Variants in VPS13B observed in about 807,000 individuals in gnomAD.
VPS13B encodes vacuolar protein sorting 13 homolog B.
VPS13B carries 285 observed loss-of-function variants against 426.4 expected under a neutral mutation model. That is an observed-to-expected ratio of 0.67 (90% CI 0.61 to 0.74). The LOEUF (loss-of-function observed/expected upper bound fraction) is 0.74. Among genes scored for constraint, VPS13B ranks in the 30% least tolerant of loss-of-function variants. The pLI, the probability that VPS13B is intolerant of heterozygous loss-of-function variation, is 0.00. For synonymous variants in VPS13B, 1,676 were observed against 1,676.4 expected (o/e 1.00, Z 0.01); for missense variants, 4,537 against 4,782.6 (o/e 0.95, Z 1.51).
rs144173785 is a variant in VPS13B, at chr8:99,373,152, G to A, written c.2825-11056G>A. 2.9e-3 allele frequency among the ~76,000 whole-genome samples: 435 copies of A among 152,154 alleles called. 3 individuals are homozygous for A. Among genetic ancestry groups the A allele is most frequent in the African/African-American group, 0.01 (415 of 41,496 alleles). ...ACATGGAGGACAACATCACACACCG[G>A]CACCTGTTGGGAGGTGGGGGGCAAT... On this transcript the variant is annotated intron_variant, in intron 19 of 61. Transcript: ENST00000357162.
At chr8:99,548,293 G>T (rs1052274245) in intron 30 of VPS13B, among the ~76,000 whole-genome samples, 1 of 151,870 alleles carries the variant, frequency 6.6e-6, no homozygotes, top group African/African-American at 2.4e-5. Flanking sequence ...ACTCCTACAA[G>T]TCTTATTTTT....
intron 21 of VPS13B, among the ~76,000 whole-genome samples, chr8:99,414,438 T>C (rs372225308): frequency 2.6e-5 from 4 of 152,216 alleles, no homozygotes; most frequent in African/African-American, 9.6e-5. Context: ...AATATTGTTA[T>C]GTGTGAATTT....
intron 12 of VPS13B, among the ~76,000 whole-genome samples, chr8:99,141,606 A>T (rs1166941618): frequency 1.3e-5 from 2 of 152,228 alleles, no homozygotes. Context: ...TTAATCATAC[A>T]TCTTACAAAA....
At chr8:99,677,372 G>A (rs1335538764) in intron 35 of VPS13B, among the ~76,000 whole-genome samples, 1 of 152,054 alleles carries the variant, frequency 6.6e-6, no homozygotes, top group African/African-American at 2.4e-5. Flanking sequence ...TACATTTCCT[G>A]AATTTTATGG....
chr8:99,535,818 A>G (rs1374182846), intron 30 of VPS13B, among the ~76,000 whole-genome samples: 1 of 152,192 alleles, frequency 6.6e-6, no homozygotes, highest in Non-Finnish European at 1.5e-5. Context: ...TGACATAACT[A>G]ACTGTTATTA....
intron 34 of VPS13B, among the ~76,000 whole-genome samples, chr8:99,656,846 C>T (rs1050027181): frequency 2.6e-5 from 4 of 152,146 alleles, no homozygotes; most frequent in Admixed American, 6.6e-5. Flanking sequence ...CAGGCATATG[C>T]GAAGTAGAGA....
At chr8:99,013,533 G>A (rs905768980) in intron 1 of VPS13B, among the ~76,000 whole-genome samples, 186 bp downstream of exon 1, 4 of 152,212 alleles carry the variant, frequency 2.6e-5, no homozygotes, top group African/African-American at 9.6e-5. Flanking sequence ...TGAGGGACCC[G>A]CTCTCTTCTG....
At chr8:99,716,537 C>T (rs918446903) in intron 36 of VPS13B, among the ~76,000 whole-genome samples, 1 of 152,116 alleles carries the variant, frequency 6.6e-6, no homozygotes, top group African/African-American at 2.4e-5. Context: ...CAAAAGAAAG[C>T]CTACATTTTA....
At chr8:99,760,786 G>A (rs1309775317) in intron 39 of VPS13B, among the ~76,000 whole-genome samples, 1 of 152,106 alleles carries the variant, frequency 6.6e-6, no homozygotes, top group Non-Finnish European at 1.5e-5. Flanking sequence ...AGAAAATTGT[G>A]CTTCTACTGC....
At chr8:99,788,525 G>A (rs1479665641) in intron 43 of VPS13B, among the ~76,000 whole-genome samples, 1 of 152,028 alleles carries the variant, frequency 6.6e-6, no homozygotes, top group African/African-American at 2.4e-5. Flanking sequence ...AGCAGAGGTG[G>A]CAAACTTTTC....
intron 21 of VPS13B, among the ~76,000 whole-genome samples, chr8:99,421,365 A>C (rs755719956): frequency 2.6e-5 from 4 of 152,230 alleles, no homozygotes; most frequent in Admixed American, 6.5e-5. Context: ...AGTGGGAATG[A>C]GTAAATCTGA....
chr8:99,539,188 CTG>C lies in VPS13B; in HGVS notation c.4746-17261_4746-17260del, dbSNP rs1347598652. On this transcript the variant is annotated intron_variant, in intron 30 of 61. Transcript: ENST00000357162. ...AATGTGAAGAAAATTTTAAAAATAA[CTG>C]AGGCCTTTCACCATTAATTTGTAAA... 3.3e-5 allele frequency among the ~76,000 whole-genome samples: 5 copies of C among 152,092 alleles called. No homozygotes were observed. The South Asian group carries it at 8.3e-4, about 25-fold the overall frequency.
intron 21 of VPS13B, among the ~76,000 whole-genome samples, chr8:99,398,812 G>A (rs1257308811): frequency 7.4e-6 from 1 of 135,518 alleles, no homozygotes; most frequent in African/African-American, 3.0e-5. Context: ...GGTGGGACAA[G>A]TATTTTTTTT....
intron 58 of VPS13B, among the ~76,000 whole-genome samples, chr8:99,863,557 G>A (rs1293415919): frequency 6.6e-6 from 1 of 152,072 alleles, no homozygotes; most frequent in Non-Finnish European, 1.5e-5. Flanking sequence ...CTCCCTTCCT[G>A]CCCGAGGGTT....
chr8:99,829,886 G>A (rs1007436439), intron 51 of VPS13B, among the ~76,000 whole-genome samples: 1 of 152,144 alleles, frequency 6.6e-6, no homozygotes, highest in Non-Finnish European at 1.5e-5. Context: ...GTTTTCTGGG[G>A]GTCCACCCCA....
chr8:99,320,284 T>C (rs1220661922), intron 19 of VPS13B, among the ~76,000 whole-genome samples: 1 of 152,164 alleles, frequency 6.6e-6, no homozygotes, highest in Non-Finnish European at 1.5e-5. Context: ...ATTTATATTG[T>C]TTTGCTAATG....
chr8:99,604,338 T>C (rs563215145), intron 33 of VPS13B, among the ~76,000 whole-genome samples: 11 of 152,238 alleles, frequency 7.2e-5, no homozygotes, highest in African/African-American at 2.6e-4. Flanking sequence ...TATTATTAAT[T>C]GCAGTTCATA....
intron 43 of VPS13B, among the ~76,000 whole-genome samples, chr8:99,805,083 T>C (rs1052360283): frequency 2.7e-5 from 4 of 150,092 alleles, no homozygotes; most frequent in Non-Finnish European, 4.4e-5. Context: ...TATATATATA[T>C]ACAGTAGTTT....
intron 21 of VPS13B, among the ~76,000 whole-genome samples, chr8:99,395,416 A>G (rs1814678449): frequency 6.6e-6 from 1 of 152,164 alleles, no homozygotes; most frequent in Non-Finnish European, 1.5e-5. Flanking sequence ...ACAGGGTGGA[A>G]GGCATTGAAG....
Sources: allele counts gnomAD v4.1 joint callset (sites outside exome capture counted in the v4.1 genomes callset), GRCh38; gene constraint gnomAD v4.1.1; transcripts MANE v1.5; gene names NCBI Gene and HGNC (gene_info 2026-07-23, HGNC 2026-07-21).